The following DLGAP1 variants were observed in gnomAD, a reference collection of about 807,000 sequenced individuals.
DLGAP1 encodes disks large-associated protein 1.
DLGAP1 carries 11 observed loss-of-function variants against 90.8 expected under a neutral mutation model. The observed-to-expected ratio is 0.12, with a 90% CI of 0.08 to 0.20. The LOEUF (loss-of-function observed/expected upper bound fraction) is 0.20, where lower values mean the gene tolerates loss of function less well. Ranked by LOEUF, DLGAP1 falls within the 10% of genes least tolerant of loss-of-function variation. The pLI is 1.00. For synonymous variants in DLGAP1, 558 were observed against 540.7 expected (o/e 1.03, Z -0.44); for missense variants, 1,050 against 1,333.8 (o/e 0.79, Z 3.31).
At position 3,660,196 on chromosome 18, in the gene DLGAP1, T is replaced by TG. The variant is rs886384918; in HGVS notation, c.1591+68938dup. Among the ~76,000 whole-genome samples, 334 of 152,176 alleles carry TG rather than the reference T, an allele frequency of 2.2e-3. 1 individual carries two copies. The highest frequency in any genetic ancestry group is 7.7e-3 in the African/African-American group (318 of 41,532). On this transcript the variant is annotated intron_variant, in intron 7 of 12. Transcript: ENST00000315677. The surrounding 1 kb of genome is among the most constrained non-coding windows in gnomAD (Gnocchi z 4.2). The stretch of plus-strand genomic sequence containing the variant: ...TTTTATTTTTTAAAAGGATTGGGGG[T>TG]GGGGGTCTCACTTTGTTGGCCAGCC...
rs1568480078 is a variant in DLGAP1 at position 4,265,548 on chromosome 18, T to TCC, written c.-266-114263_-266-114262dup. ...CTTTCCTTCCTTCCTTCCCTCCCCT[T>TCC]CCTTCCTTCCTTCCTTTCCTTTCCT... On this transcript the variant is annotated intron_variant, in intron 1 of 12. Coordinates refer to ENST00000315677, the MANE Select transcript of DLGAP1 (RefSeq NM_004746.4). Among the ~76,000 whole-genome samples the TCC allele has an allele frequency of 1.9e-3, 196 of 104,268 alleles. 3 individuals are homozygous for TCC. The highest frequency in any genetic ancestry group is 7.6e-3 in the African/African-American group (194 of 25,600). The allele number at this position is 104,268 out of a possible 152,430, so 68.4% of individuals were successfully genotyped here.
Position 4,027,399 on chromosome 18 carries a change from G to A in DLGAP1, c.-158-22198C>T, listed in dbSNP as rs948940455. 4.7e-5 allele frequency among the ~76,000 whole-genome samples: 7 copies of A among 149,100 alleles called. No individual in the cohort carries two copies. In the East Asian group the frequency reaches 1.4e-3, roughly 30 times the overall value. On this transcript the variant is annotated intron_variant, in intron 2 of 12. Transcript: ENST00000315677. ...TGCATGCTTGTAATCCCAGCTACTC[G>A]AGAGGCTGAGGCAGGAGGATTGTTT...
chr18:3,880,506 C>T (rs1417277458), intron 3 of DLGAP1, among the ~76,000 whole-genome samples: 5 of 152,044 alleles, frequency 3.3e-5, no homozygotes, highest in African/African-American at 9.7e-5. Flanking sequence ...GTGCCATCTG[C>T]GACCGTGTTT....
intron 1 of DLGAP1, among the ~76,000 whole-genome samples, chr18:4,273,105 T>C (rs1371141348): frequency 6.6e-6 from 1 of 152,138 alleles, no homozygotes; most frequent in African/African-American, 2.4e-5. Context: ...TCTGTTGCTT[T>C]ACCACCTCTC....
intron 7 of DLGAP1, among the ~76,000 whole-genome samples, chr18:3,723,111 CT>C (rs1261443693): frequency 6.6e-6 from 1 of 152,116 alleles, no homozygotes; most frequent in African/African-American, 2.4e-5. Context: ...ATGTATTTGG[CT>C]TTGTGGGCCA....
intron 9 of DLGAP1, among the ~76,000 whole-genome samples, chr18:3,552,040 C>T (rs774646760): frequency 3.3e-5 from 5 of 151,152 alleles, no homozygotes; most frequent in Non-Finnish European, 7.4e-5. Flanking sequence ...ACTCCTGGGC[C>T]CAAGCAGTCC....
intron 7 of DLGAP1, chr18:3,708,225 T>C: frequency 2.8e-6 from 1 of 358,138 alleles, no homozygotes; most frequent in South Asian, 2.1e-5. Flanking sequence ...CAGGCTGGTC[T>C]TGAATGCTTG....
chr18:3,932,320 G>T (rs1037276169), intron 3 of DLGAP1, among the ~76,000 whole-genome samples: 1 of 152,152 alleles, frequency 6.6e-6, no homozygotes, highest in Non-Finnish European at 1.5e-5. Flanking sequence ...GAGTCAAAAA[G>T]TTCCCTTGAG....
intron 3 of DLGAP1, chr18:3,995,267 T>C (rs1385440691): frequency 6.6e-6 from 1 of 152,130 alleles, no homozygotes; most frequent in East Asian, 1.9e-4. Context: ...CAGAATATTC[T>C]TAAAATGACT....
At chr18:4,239,695 AAAGTG>A (rs1568466470) in intron 1 of DLGAP1, among the ~76,000 whole-genome samples, 1 of 152,212 alleles carries the variant, frequency 6.6e-6, no homozygotes, top group Non-Finnish European at 1.5e-5. Context: ...GATGCTAAAC[AAAGTG>A]TCTTCGATTT....
chr18:3,560,699 C>A (rs60096915), intron 9 of DLGAP1, among the ~76,000 whole-genome samples: 4 of 150,236 alleles, frequency 2.7e-5, no homozygotes, highest in African/African-American at 1.0e-4. Context: ...TTTATCTAGT[C>A]GGATTAACAT....
At chr18:4,255,359 G>A (rs182564081) in intron 1 of DLGAP1, among the ~76,000 whole-genome samples, 1 of 152,018 alleles carries the variant, frequency 6.6e-6, no homozygotes, top group East Asian at 1.9e-4. Flanking sequence ...TTTTCCCCAA[G>A]TAAACTGTAT....
At chr18:4,208,250 A>T (rs139298732) in intron 1 of DLGAP1, among the ~76,000 whole-genome samples, 357 of 152,342 alleles carry the variant, frequency 2.3e-3, no homozygotes, top group Middle Eastern at 6.8e-3. Flanking sequence ...TTGTGTTTGG[A>T]ACATCTAAAA....
At chr18:4,031,072 C>G (rs1211354404) in intron 2 of DLGAP1, among the ~76,000 whole-genome samples, 2 of 152,184 alleles carry the variant, frequency 1.3e-5, no homozygotes, top group African/African-American at 4.8e-5. Flanking sequence ...TTTGGCCTCT[C>G]AAACATGGCG....
intron 7 of DLGAP1, among the ~76,000 whole-genome samples, chr18:3,599,447 G>A (rs2056776727): frequency 6.6e-6 from 1 of 152,178 alleles, no homozygotes; most frequent in South Asian, 2.1e-4. Context: ...TTGGCTAGTG[G>A]CTTTTAGAAT....
intron 2 of DLGAP1, among the ~76,000 whole-genome samples, chr18:4,079,287 T>TCTCACA (rs1354619707): frequency 2.1e-5 from 3 of 142,510 alleles, no homozygotes; most frequent in African/African-American, 7.9e-5. Flanking sequence ...AAAGAAAATG[T>TCTCACA]CACACACACA....
intron 3 of DLGAP1, among the ~76,000 whole-genome samples, chr18:3,958,682 TA>T (rs1459674192): frequency 5.3e-5 from 8 of 150,932 alleles, no homozygotes; most frequent in Non-Finnish European, 1.0e-4. Flanking sequence ...TCTGGAGTTA[TA>T]AACAGGATGC....
intron 3 of DLGAP1, among the ~76,000 whole-genome samples, chr18:3,964,303 G>GA (rs1490413405): frequency 3.9e-5 from 6 of 152,290 alleles, no homozygotes; most frequent in Middle Eastern, 6.8e-3. Context: ...AAAGGCCCAG[G>GA]AAAAAATTCA....
intron 5 of DLGAP1, among the ~76,000 whole-genome samples, chr18:3,780,051 G>A (rs939733122): frequency 6.6e-6 from 1 of 152,046 alleles, no homozygotes; most frequent in African/African-American, 2.4e-5. Flanking sequence ...GCCTCCCAAA[G>A]TGCTGGGATT....
Sources: gnomAD v4.1 joint callset for allele counts (sites outside exome capture counted in the v4.1 genomes callset) on GRCh38, gnomAD v4.1.1 for gene constraint, Gnocchi (gnomAD v3.1) non-coding constraint, MANE v1.5 for transcripts, NCBI Gene and HGNC (gene_info 2026-07-23, HGNC 2026-07-21) for gene names.